Variants in PHACTR3 observed in about 807,000 individuals in gnomAD.
PHACTR3 encodes protein phosphatase 1, regulatory subunit 123.
PHACTR3 carries 16 observed loss-of-function variants against 66.8 expected under a neutral mutation model. The observed-to-expected ratio is 0.24, with a 90% CI of 0.16 to 0.36. PHACTR3 has a LOEUF of 0.36. PHACTR3 is among the 10% of genes least tolerant of loss of function. The pLI is 1.00. For synonymous variants in PHACTR3, 323 were observed against 292.1 expected (o/e 1.11, Z -1.08); for missense variants, 647 against 719.9 (o/e 0.90, Z 1.16).
intron 5 of PHACTR3, among the ~76,000 whole-genome samples, chr20:59,768,701 C>G (rs747591346): frequency 1.3e-5 from 2 of 152,226 alleles, no homozygotes; most frequent in Non-Finnish European, 2.9e-5. Context: ...GCCCTTGGCT[C>G]TTTTCTGGGG....
rs1032310651 is a variant in PHACTR3, at chr20:59,738,437, T to C, written c.119-4670T>C. Among the ~76,000 whole-genome samples, 3 of 142,034 alleles carry C rather than the reference T, an allele frequency of 2.1e-5. No homozygotes were observed. The highest frequency in any genetic ancestry group is 8.3e-5 in the African/African-American group (3 of 36,084). The allele number at this position is 142,034 out of a possible 152,430, so 93.2% of individuals were successfully genotyped here. A position where few individuals can be genotyped will look rare whatever the true frequency, so the allele number is the denominator to read the frequency against. On this transcript the variant is annotated intron_variant, in intron 1 of 12. Coordinates refer to ENST00000371015, the MANE Select transcript of PHACTR3 (RefSeq NM_080672.5). This position sits in a 1 kb window ranked among gnomAD's most constrained non-coding sequence, Gnocchi z 4.4. ...GAGCAGGAAGTGATAGGGTTAGAGC[T>C]CTATTTCTAAGACATCGGATCACAG... is the stretch of plus-strand genomic sequence containing the variant.
chr20:59,646,644 C>T (rs992205118), intron 1 of PHACTR3, among the ~76,000 whole-genome samples: 16 of 152,160 alleles, frequency 1.1e-4, no homozygotes, highest in African/African-American at 3.9e-4. Flanking sequence ...TGCAGTTCCC[C>T]AGTTCAGGCC....
At chr20:59,783,555 C>CT (rs2040803128) in intron 7 of PHACTR3, among the ~76,000 whole-genome samples, 2 of 152,126 alleles carry the variant, frequency 1.3e-5, no homozygotes, top group Admixed American at 1.3e-4. Context: ...GCTATTACCG[C>CT]TTTTTTTGTT....
chr20:59,783,340 T>C (rs1601346608), intron 7 of PHACTR3, among the ~76,000 whole-genome samples: 1 of 152,060 alleles, frequency 6.6e-6, no homozygotes, highest in East Asian at 1.9e-4. Context: ...TGGCCCAGGG[T>C]GGTTCTGGCT....
At chr20:59,756,475 C>T (rs1007228400) in intron 4 of PHACTR3, among the ~76,000 whole-genome samples, 4 of 152,142 alleles carry the variant, frequency 2.6e-5, no homozygotes, top group Admixed American at 1.3e-4. Context: ...TCCACAACGC[C>T]CCTGCAGCGC....
intron 7 of PHACTR3, among the ~76,000 whole-genome samples, chr20:59,783,014 G>A (rs558997547): frequency 2.6e-5 from 4 of 152,242 alleles, no homozygotes; most frequent in East Asian, 3.9e-4. Context: ...GAATGCTAAC[G>A]TGTTATTTGA....
chr20:59,749,872 G>T (rs982626646), intron 3 of PHACTR3, among the ~76,000 whole-genome samples: 1 of 151,912 alleles, frequency 6.6e-6, no homozygotes, highest in African/African-American at 2.4e-5. Context: ...AAATCCAGGT[G>T]GGGGAGCTGG....
chr20:59,745,504 C>T lies in PHACTR3; in HGVS notation c.280+2236C>T, dbSNP rs188600448. ...ACCGCCATTCGGGCATCTGGAAATT[C>T]GAGGAACAGTGCTGCATTTTGTTTA... is the stretch of plus-strand genomic sequence containing the variant. On this transcript the variant is annotated intron_variant, in intron 2 of 12. Coordinates refer to ENST00000371015, the MANE Select transcript of PHACTR3 (RefSeq NM_080672.5). Among the ~76,000 whole-genome samples, 5 of 152,352 alleles carry T rather than the reference C, an allele frequency of 3.3e-5. No individual in the cohort carries two copies. The South Asian group carries it at 8.3e-4, about 25-fold the overall frequency.
intron 5 of PHACTR3, among the ~76,000 whole-genome samples, chr20:59,772,423 T>G (rs1378440952): frequency 6.6e-6 from 1 of 152,084 alleles, no homozygotes. Context: ...CTGGGCAGCG[T>G]GATTCACTCC....
intron 1 of PHACTR3, among the ~76,000 whole-genome samples, chr20:59,713,562 A>T (rs1215949943): frequency 6.6e-6 from 1 of 152,110 alleles, no homozygotes; most frequent in Non-Finnish European, 1.5e-5. Context: ...TACATTTCTA[A>T]GATTGGTCCA....
rs116651668 is a variant in PHACTR3 at position 59,830,800 on chromosome 20, T to A, written c.1329-5705T>A. ...TCAGAGGCTCAAGTAAGGGAGGGCGTGACGCCATCACCCAGCTGGCAGGGG... is the reference window on the plus strand; with the variant it reads ...TCAGAGGCTCAAGTAAGGGAGGGCGAGACGCCATCACCCAGCTGGCAGGGG... On this transcript the variant is annotated intron_variant, in intron 8 of 12. Transcript: ENST00000371015. This position sits in a 1 kb window ranked among gnomAD's most constrained non-coding sequence, Gnocchi z 5.8. 2.2e-3 allele frequency among the ~76,000 whole-genome samples: 333 copies of A among 152,244 alleles called. 1 individual carries two copies. Among genetic ancestry groups the A allele is most frequent in the African/African-American group, 7.3e-3 (304 of 41,518 alleles).
rs1185292724 is a variant in PHACTR3 at position 59,829,233 on chromosome 20, C to T, written c.1329-7272C>T. Among the ~76,000 whole-genome samples the T allele has an allele frequency of 6.6e-6, 1 of 152,158 alleles. No individual in the cohort carries two copies. The highest frequency in any genetic ancestry group is 1.9e-4 in the East Asian group (1 of 5,166). On this transcript the variant is annotated intron_variant, in intron 8 of 12. Coordinates refer to ENST00000371015, the MANE Select transcript of PHACTR3 (RefSeq NM_080672.5). This position sits in a 1 kb window ranked among gnomAD's most constrained non-coding sequence, Gnocchi z 4.2. ...GCTGGCTGCTGAGATGGGGCTTGCC[C>T]CAGGCATGTGGACCAGCAGCCAGCA...
At chr20:59,606,746 G>T (rs909520920) in intron 1 of PHACTR3, among the ~76,000 whole-genome samples, 2 of 152,140 alleles carry the variant, frequency 1.3e-5, no homozygotes, top group African/African-American at 4.8e-5. Context: ...GGGTGGGAGC[G>T]GAGGGTTGGG....
At chr20:59,700,576 T>A (rs941997572) in intron 1 of PHACTR3, among the ~76,000 whole-genome samples, 2 of 152,336 alleles carry the variant, frequency 1.3e-5, no homozygotes, top group Middle Eastern at 3.4e-3. Context: ...ACAAGGGTAG[T>A]GCTTAAAAAC....
At chr20:59,825,390 A>ATTCATTCATTCAGTCACTTG (rs1205766068) in intron 8 of PHACTR3, among the ~76,000 whole-genome samples, 4 of 152,216 alleles carry the variant, frequency 2.6e-5, no homozygotes. Context: ...TCAGACACTC[A>ATTCATTCATTCAGTCACTTG]TTCATTCATT....
intron 1 of PHACTR3, among the ~76,000 whole-genome samples, chr20:59,653,121 T>G (rs974094554): frequency 6.6e-6 from 1 of 152,200 alleles, no homozygotes; most frequent in Non-Finnish European, 1.5e-5. Flanking sequence ...TTCTTATAAT[T>G]GAAGACAGAT....
At chr20:59,581,894 A>AG (rs1386310749) in intron 1 of PHACTR3, among the ~76,000 whole-genome samples, 2 of 152,128 alleles carry the variant, frequency 1.3e-5, no homozygotes, top group African/African-American at 4.8e-5. Flanking sequence ...AAAAAAAAAA[A>AG]AAGTCCTAGC....
intron 1 of PHACTR3, among the ~76,000 whole-genome samples, chr20:59,612,350 C>A (rs1014392260): frequency 1.6e-4 from 24 of 150,772 alleles, no homozygotes; most frequent in African/African-American, 5.6e-4. Context: ...GTTGGTGAGA[C>A]CATCTTCATC....
At chr20:59,795,753 C>A (rs772297161) in intron 7 of PHACTR3, among the ~76,000 whole-genome samples, 1 of 152,028 alleles carries the variant, frequency 6.6e-6, no homozygotes, top group Non-Finnish European at 1.5e-5. Context: ...TTGACTTAAA[C>A]TCTAATTTAT....
Sources: allele counts gnomAD v4.1 joint callset (sites outside exome capture counted in the v4.1 genomes callset), GRCh38; gene constraint gnomAD v4.1.1; non-coding constraint Gnocchi (gnomAD v3.1); transcripts MANE v1.5; gene names NCBI Gene and HGNC (gene_info 2026-07-23, HGNC 2026-07-21).